Variants in SGCZ observed in about 807,000 individuals in gnomAD.
SGCZ encodes the protein sarcoglycan zeta, also known as zeta-sarcoglycan.
SGCZ carries 40 observed loss-of-function variants against 41.3 expected under a neutral mutation model. That is an observed-to-expected ratio of 0.97 (90% CI 0.75 to 1.26). The LOEUF is 1.26. Ranked by LOEUF, SGCZ falls within the 50% of genes most tolerant of loss-of-function variation. The pLI, the probability that SGCZ is intolerant of heterozygous loss-of-function variation, is 0.00. For synonymous variants in SGCZ, 206 were observed against 137.5 expected, an observed-to-expected ratio of 1.50 and a Z score of -3.49; for missense variants, 552 against 369.8, an observed-to-expected ratio of 1.49 and a Z score of -4.04.
intron 2 of SGCZ, among the ~76,000 whole-genome samples, chr8:14,465,103 C>A (rs946775278): frequency 3.3e-5 from 5 of 151,500 alleles, no homozygotes; most frequent in African/African-American, 1.2e-4. Flanking sequence ...CAGTTTATTG[C>A]ATTGTTCATG....
rs139618112 is a variant in SGCZ, at chr8:15,203,082, C to A, written c.39+34503G>T. The stretch of plus-strand genomic sequence containing the variant: ...TTGAGACCATGTCATGGCACTCAAC[C>A]CTGGGTGACAGAACAAGACTCAGTC... On this transcript the variant is annotated intron_variant, in intron 1 of 7. Transcript: ENST00000382080. Among the ~76,000 whole-genome samples the A allele has an allele frequency of 1.0e-3, 159 of 151,832 alleles. 3 individuals carry two copies. In the East Asian group the frequency reaches 0.027, roughly 25 times the overall value.
Position 14,177,742 on chromosome 8 carries a change from T to C in SGCZ, c.425-13040A>G, listed in dbSNP as rs1172057659. 8.2e-5 allele frequency among the ~76,000 whole-genome samples: 12 copies of C among 147,120 alleles called. No homozygotes were observed. In the East Asian group the frequency reaches 2.4e-3, roughly 30 times the overall value. ...GGTTTCACCGTGTTAGCCAGGATGG[T>C]CTCGATCTCCTGACCTCGTGATCCA... On this transcript the variant is annotated intron_variant, in intron 4 of 7. Transcript: ENST00000382080.
At chr8:14,346,990 A>T (rs1307397505) in intron 2 of SGCZ, among the ~76,000 whole-genome samples, 1 of 152,084 alleles carries the variant, frequency 6.6e-6, no homozygotes, top group Non-Finnish European at 1.5e-5. Flanking sequence ...TAATTTTCAT[A>T]ATAAAATGCT....
At chr8:14,665,088 T>C (rs1384982203) in intron 1 of SGCZ, among the ~76,000 whole-genome samples, 2 of 152,190 alleles carry the variant, frequency 1.3e-5, no homozygotes, top group African/African-American at 2.4e-5. Flanking sequence ...TATGTATACA[T>C]GCCATGTTGG....
At chr8:14,535,794 A>C (rs1803276586) in intron 2 of SGCZ, among the ~76,000 whole-genome samples, 1 of 151,902 alleles carries the variant, frequency 6.6e-6, no homozygotes, top group African/African-American at 2.4e-5. Context: ...GGTTGTAGGG[A>C]AACAAAGCAA....
intron 2 of SGCZ, among the ~76,000 whole-genome samples, chr8:14,328,816 G>A (rs190267714): frequency 5.8e-4 from 89 of 152,262 alleles, no homozygotes; most frequent in Middle Eastern, 6.8e-3. Context: ...AGGCCAGGAG[G>A]GCTCCTCCCT....
In SGCZ at chr8:14,526,262, G is replaced by A. The variant is rs139745983; in HGVS notation, c.234+28470C>T. Among the ~76,000 whole-genome samples the A allele has an allele frequency of 5.4e-3, 823 of 152,088 alleles. 22 individuals are homozygous for A. Among genetic ancestry groups the A allele is most frequent in the Admixed American group, 0.045 (694 of 15,272 alleles). On this transcript the variant is annotated intron_variant, in intron 2 of 7. Coordinates refer to ENST00000382080, the MANE Select transcript of SGCZ (RefSeq NM_139167.4). ...AATCATAAAATGTTTACATAACTTT[G>A]ATATGTTGACATGTTATGCCTCTTG...
chr8:14,589,959 C>A (rs1012321877), intron 1 of SGCZ, among the ~76,000 whole-genome samples: 3 of 152,082 alleles, frequency 2.0e-5, no homozygotes, highest in Non-Finnish European at 4.4e-5. Flanking sequence ...GTTTTAAGAG[C>A]AATTTGATGA....
intron 2 of SGCZ, among the ~76,000 whole-genome samples, chr8:14,378,128 T>A (rs1420287873): frequency 6.7e-6 from 1 of 150,298 alleles, no homozygotes; most frequent in African/African-American, 2.5e-5. Flanking sequence ...ATGGTTGAAC[T>A]AGTTTACAGT....
intron 1 of SGCZ, among the ~76,000 whole-genome samples, chr8:14,747,806 A>C (rs1799382639): frequency 6.7e-6 from 1 of 148,808 alleles, no homozygotes; most frequent in Non-Finnish European, 1.5e-5. Context: ...TCCACCTCCC[A>C]CGTTCAATCG....
chr8:14,747,651 G>A (rs1799373225), intron 1 of SGCZ, among the ~76,000 whole-genome samples: 1 of 118,164 alleles, frequency 8.5e-6, no homozygotes, highest in East Asian at 2.2e-4. Flanking sequence ...ACAGGGAAAG[G>A]GTACAAGGCA....
At chr8:14,472,189 C>G (rs1444864230) in intron 2 of SGCZ, among the ~76,000 whole-genome samples, 1 of 151,950 alleles carries the variant, frequency 6.6e-6, no homozygotes, top group Non-Finnish European at 1.5e-5. Context: ...GTTTGTGCAG[C>G]TTAAATTGTG....
At chr8:15,126,437 C>T (rs565971168) in intron 1 of SGCZ, among the ~76,000 whole-genome samples, 1 of 152,214 alleles carries the variant, frequency 6.6e-6, no homozygotes, top group East Asian at 1.9e-4. Flanking sequence ...GATAATCTAT[C>T]AGCAGGGCAT....
At chr8:14,822,561 C>T (rs1802139631) in intron 1 of SGCZ, among the ~76,000 whole-genome samples, 1 of 152,092 alleles carries the variant, frequency 6.6e-6, no homozygotes. Flanking sequence ...AAATATCACA[C>T]CACTTAACTT....
intron 2 of SGCZ, among the ~76,000 whole-genome samples, chr8:14,345,923 G>C (rs533088599): frequency 9.0e-4 from 137 of 152,144 alleles, no homozygotes; most frequent in African/African-American, 3.2e-3. Context: ...AAGAATTCAG[G>C]GTAGGGAGGA....
chr8:14,763,380 C>T (rs1319345600), intron 1 of SGCZ, among the ~76,000 whole-genome samples: 1 of 152,132 alleles, frequency 6.6e-6, no homozygotes, highest in Non-Finnish European at 1.5e-5. Context: ...AAATCTCTCA[C>T]ATCTGCTCAC....
At chr8:14,179,644 A>C (rs1395247029) in intron 4 of SGCZ, among the ~76,000 whole-genome samples, 2 of 152,176 alleles carry the variant, frequency 1.3e-5, no homozygotes, top group African/African-American at 4.8e-5. Flanking sequence ...GGAAATGGGA[A>C]GGTAATCCCC....
chr8:14,570,353 G>A (rs1201409824), intron 1 of SGCZ, among the ~76,000 whole-genome samples: 5 of 152,188 alleles, frequency 3.3e-5, no homozygotes, highest in Admixed American at 3.3e-4. Context: ...AATATAAGGT[G>A]TGATAGTCAG....
intron 5 of SGCZ, among the ~76,000 whole-genome samples, chr8:14,124,286 C>G (rs1386278329): frequency 6.6e-6 from 1 of 151,796 alleles, no homozygotes; most frequent in Non-Finnish European, 1.5e-5. Context: ...CCCTCTTTCT[C>G]CTCTCTCTCT....
Sources: gnomAD v4.1 joint callset for allele counts (sites outside exome capture counted in the v4.1 genomes callset) on GRCh38, gnomAD v4.1.1 for gene constraint, MANE v1.5 for transcripts, NCBI Gene and HGNC (gene_info 2026-07-23, HGNC 2026-07-21) for gene names.